The following F13A1 variants were observed in gnomAD, a reference collection of about 807,000 sequenced individuals.
F13A1 encodes coagulation factor XIII A chain.
A neutral mutation model predicts 80.1 loss-of-function variants in F13A1; 47 were observed. The ratio of observed to expected loss-of-function variants is 0.59; its 90% CI spans 0.46 to 0.75. The LOEUF (loss-of-function observed/expected upper bound fraction) is 0.75. Among genes scored for constraint, F13A1 ranks in the 30% least tolerant of loss-of-function variants. F13A1 has a pLI of 0.00. For missense variants in F13A1, 817 were observed against 930.4 expected, an observed-to-expected ratio of 0.88 and a Z score of 1.59; for synonymous variants, 349 against 344.9, an observed-to-expected ratio of 1.01 and a Z score of -0.13.
chr6:6,180,925 A>C (rs1458034728), intron 11 of F13A1, among the ~76,000 whole-genome samples: 2 of 152,204 alleles, frequency 1.3e-5, no homozygotes, highest in African/African-American at 2.4e-5. Flanking sequence ...GTATATGCTA[A>C]TTACTTGTCA....
At position 6,248,335 on chromosome 6, in the gene F13A1, C is replaced by G. The variant is rs761960891; in HGVS notation, c.775G>C (p.Val259Leu). 1 of 1,613,888 alleles carries G rather than the reference C, an allele frequency of 6.2e-7. No individual in the cohort carries two copies. Residue 259 changes from valine (V) to leucine (L), a missense_variant, in exon 6 of 15, where the codon GTC becomes CTC. Physicochemically the swap from Val to Leu is conservative, Grantham distance 32 (BLOSUM62 1). Coordinates refer to ENST00000264870, the MANE Select transcript of F13A1 (RefSeq NM_000129.4). ...ACCATTGCAGACCCCACACGGCTGACTTTGATGGGATTCCCTCTTCCAGAG... is the reference window on the plus strand; with the variant it reads ...ACCATTGCAGACCCCACACGGCTGAGTTTGATGGGATTCCCTCTTCCAGAG... Reference protein sequence around the residue: ...DLSGRGNPIKVSRVGSAMVNA... With the variant: ...DLSGRGNPIKLSRVGSAMVNA...
Position 6,250,967 on chromosome 6 carries a change from C to A in F13A1, c.572-38G>T. On this transcript the variant is annotated intron_variant, in intron 4 of 14. Transcript: ENST00000264870. The surrounding 1 kb of genome is among the most constrained non-coding windows in gnomAD (Gnocchi z 4.2). ...TTAAACATAGTGACTATTACCAAAC[C>A]AGACTGTTTCCAAACACTTGCAAGT... 1 of 1,404,746 alleles carries A rather than the reference C, an allele frequency of 7.1e-7. No individual in the cohort carries two copies. Among genetic ancestry groups the A allele is most frequent in the South Asian group, 1.1e-5 (1 of 87,114 alleles). 87.0% of individuals were successfully genotyped at this position (1,404,746 alleles called of 1,614,324 possible).
At chr6:6,145,858 CT>C in intron 14 of F13A1, 86 bp from the exon 15 acceptor site, 1 of 1,579,320 alleles carries the variant, frequency 6.3e-7, no homozygotes. Flanking sequence ...GCCTAAGTCA[CT>C]TGCTTTCTTT....
intron 8 of F13A1, among the ~76,000 whole-genome samples, chr6:6,219,531 C>T (rs1171974085): frequency 6.6e-6 from 1 of 152,172 alleles, no homozygotes; most frequent in African/African-American, 2.4e-5. Context: ...GAAAATGAAG[C>T]TCAGAGAGGT....
chr6:6,233,946 C>A (rs955270025), intron 6 of F13A1, among the ~76,000 whole-genome samples: 2 of 151,936 alleles, frequency 1.3e-5, no homozygotes, highest in African/African-American at 4.8e-5. Flanking sequence ...AAGGGACATA[C>A]CTTAATGTAA....
chr6:6,306,923 C>G (rs1367346695), intron 2 of F13A1, among the ~76,000 whole-genome samples: 1 of 152,234 alleles, frequency 6.6e-6, no homozygotes, highest in South Asian at 2.1e-4. Flanking sequence ...AGAAGTTGGG[C>G]TCTTTAAGAT....
In F13A1 at chr6:6,180,248, C is replaced by T. The variant is rs568538657; in HGVS notation, c.1459+1740G>A. Among the ~76,000 whole-genome samples, 9 of 152,352 alleles carry T rather than the reference C, an allele frequency of 5.9e-5. No homozygotes were observed. The East Asian group carries it at 1.7e-3, about 29-fold the overall frequency. Reference sequence around the variant, plus strand: ...TCCTTTGGGCTTAGTGAGCCCATCACTAACTTCCTCCACGAGGTCTTCCCC... The same window carrying T: ...TCCTTTGGGCTTAGTGAGCCCATCATTAACTTCCTCCACGAGGTCTTCCCC... On this transcript the variant is annotated intron_variant, in intron 11 of 14. Coordinates refer to ENST00000264870, the MANE Select transcript of F13A1 (RefSeq NM_000129.4).
chr6:6,245,049 G>A (rs1466403646), intron 6 of F13A1, among the ~76,000 whole-genome samples: 2 of 152,170 alleles, frequency 1.3e-5, no homozygotes, highest in African/African-American at 4.8e-5. Flanking sequence ...TTGGTAATAT[G>A]TGGAATCAGT....
intron 6 of F13A1, among the ~76,000 whole-genome samples, chr6:6,234,550 T>C (rs777148777): frequency 1.3e-5 from 2 of 151,940 alleles, no homozygotes; most frequent in African/African-American, 2.4e-5. Context: ...ACAGATGAAT[T>C]TTAAGACTTG....
chr6:6,298,340 C>G (rs796432291), intron 3 of F13A1, among the ~76,000 whole-genome samples: 4,636 of 145,382 alleles, frequency 0.032, 148 homozygotes, highest in African/African-American at 0.1. Context: ...CTAATGTTGA[C>G]AGTGGGGTGT....
At chr6:6,232,178 C>T (rs9502426) in intron 6 of F13A1, among the ~76,000 whole-genome samples, 6,355 of 152,166 alleles carry the variant, frequency 0.042, 467 homozygotes, top group African/African-American at 0.14. Context: ...AAGAACTCAC[C>T]AACCAACTGT....
At chr6:6,253,846 A>G (rs1757669298) in intron 4 of F13A1, among the ~76,000 whole-genome samples, 1 of 152,206 alleles carries the variant, frequency 6.6e-6, no homozygotes, top group Non-Finnish European at 1.5e-5. Context: ...GATCTGATCA[A>G]TACGTGGTGT....
intron 4 of F13A1, among the ~76,000 whole-genome samples, chr6:6,256,162 AAAAC>A (rs1456512412): frequency 3.7e-4 from 56 of 152,174 alleles, no homozygotes; most frequent in African/African-American, 1.2e-3. Context: ...ACTAATAGGA[AAAAC>A]AAACTAACAA....
chr6:6,213,153 C>A (rs1270873842), intron 8 of F13A1, among the ~76,000 whole-genome samples: 2 of 152,124 alleles, frequency 1.3e-5, no homozygotes, highest in South Asian at 4.1e-4. Flanking sequence ...GGCAGGCCAA[C>A]GTTCAGATTC....
At chr6:6,257,489 A>G (rs990952684) in intron 4 of F13A1, among the ~76,000 whole-genome samples, 2 of 152,162 alleles carry the variant, frequency 1.3e-5, no homozygotes, top group African/African-American at 4.8e-5. Flanking sequence ...GTTCCTCAAT[A>G]GTCAGTTGAG....
intron 3 of F13A1, among the ~76,000 whole-genome samples, chr6:6,286,875 C>A (rs551555521): frequency 6.6e-6 from 1 of 152,268 alleles, no homozygotes; most frequent in African/African-American, 2.4e-5. Flanking sequence ...TGTGTAATAC[C>A]TGTCTGGCTC....
At chr6:6,177,846 C>T (rs1019143398) in intron 11 of F13A1, among the ~76,000 whole-genome samples, 4 of 152,098 alleles carry the variant, frequency 2.6e-5, no homozygotes, top group Admixed American at 6.5e-5. Context: ...GGAGGCCTCT[C>T]GGAGTTTTTG....
intron 4 of F13A1, among the ~76,000 whole-genome samples, chr6:6,256,179 A>G (rs1757699778): frequency 6.6e-6 from 1 of 152,180 alleles, no homozygotes; most frequent in Non-Finnish European, 1.5e-5. Flanking sequence ...ACTAACAAAC[A>G]ACTCACTATT....
At chr6:6,164,689 C>CCTCTT (rs547456460) in intron 13 of F13A1, among the ~76,000 whole-genome samples, 130 of 149,292 alleles carry the variant, frequency 8.7e-4, no homozygotes, top group Middle Eastern at 6.9e-3. Context: ...CTTGTCCCTT[C>CCTCTT]CTCTTCTCTT....
Sources: allele counts gnomAD v4.1 joint callset (sites outside exome capture counted in the v4.1 genomes callset), GRCh38; gene constraint gnomAD v4.1.1; non-coding constraint Gnocchi (gnomAD v3.1); transcripts MANE v1.5; gene names NCBI Gene and HGNC (gene_info 2026-07-23, HGNC 2026-07-21).